TMEM132D: variants seen among roughly 807,000 people sequenced by gnomAD.
TMEM132D encodes transmembrane protein 132D.
TMEM132D carries 21 observed loss-of-function variants against 62.3 expected under a neutral mutation model. That is an observed-to-expected ratio of 0.34 (90% confidence interval 0.24 to 0.49). The LOEUF (loss-of-function observed/expected upper bound fraction) is 0.49. Among genes scored for constraint, TMEM132D ranks in the 20% least tolerant of loss-of-function variants. The pLI, the probability that TMEM132D is intolerant of heterozygous loss-of-function variation, is 0.99. For missense variants in TMEM132D, 1,346 were observed against 1,402.8 expected (o/e 0.96, Z 0.65); for synonymous variants, 621 against 575.6 (o/e 1.08, Z -1.13).
chr12:129,738,045 T>G lies in TMEM132D; in HGVS notation c.80-37347A>C, dbSNP rs1157826620. The stretch of plus-strand genomic sequence containing the variant: ...TCCACAGCAGTTCTGTAGCCACTAA[T>G]GCACCATATTGATTGGCCATTACTG... On this transcript the variant is annotated intron_variant, in intron 1 of 8. Coordinates refer to ENST00000422113, the MANE Select transcript of TMEM132D (RefSeq NM_133448.3). 3.3e-5 allele frequency among the ~76,000 whole-genome samples: 5 copies of G among 152,264 alleles called. No individual in the cohort carries two copies. In the East Asian group the frequency reaches 9.6e-4, roughly 29 times the overall value.
chr12:129,206,224 T>C (rs1878843295), intron 5 of TMEM132D, among the ~76,000 whole-genome samples: 1 of 152,146 alleles, frequency 6.6e-6, no homozygotes, highest in Non-Finnish European at 1.5e-5. Context: ...AGGTCTCATA[T>C]CCCGCACCTG....
At chr12:129,649,816 G>A (rs2137182013) in intron 2 of TMEM132D, among the ~76,000 whole-genome samples, 1 of 151,830 alleles carries the variant, frequency 6.6e-6, no homozygotes, top group African/African-American at 2.4e-5. Flanking sequence ...GTGTGTATGT[G>A]TGTATATGTG....
intron 1 of TMEM132D, among the ~76,000 whole-genome samples, chr12:129,836,924 T>C (rs1345986734): frequency 1.3e-5 from 2 of 152,174 alleles, no homozygotes; most frequent in Admixed American, 6.5e-5. Context: ...AAGGCAATCA[T>C]TAACAAATCT....
chr12:129,192,537 C>T (rs1047444759), intron 5 of TMEM132D, among the ~76,000 whole-genome samples: 2 of 152,112 alleles, frequency 1.3e-5, no homozygotes, highest in African/African-American at 4.8e-5. Flanking sequence ...ACTTTAAGGC[C>T]CTGAAAGACT....
At chr12:129,552,855 T>C (rs1876938659) in intron 2 of TMEM132D, among the ~76,000 whole-genome samples, 1 of 152,212 alleles carries the variant, frequency 6.6e-6, no homozygotes, top group African/African-American at 2.4e-5. Flanking sequence ...ATTTATATTA[T>C]CTATCATCTA....
intron 4 of TMEM132D, among the ~76,000 whole-genome samples, chr12:129,267,862 C>T (rs1296885039): frequency 6.6e-6 from 1 of 152,054 alleles, no homozygotes; most frequent in Non-Finnish European, 1.5e-5. Context: ...CAGAACAGAG[C>T]CCTCAGAAAT....
At chr12:129,775,695 C>T (rs772941236) in intron 1 of TMEM132D, among the ~76,000 whole-genome samples, 29 of 152,302 alleles carry the variant, frequency 1.9e-4, no homozygotes, top group African/African-American at 6.0e-4. Flanking sequence ...CATCCAGTTG[C>T]GATCTGTTAA....
At chr12:129,467,922 G>A (rs1270717638) in intron 3 of TMEM132D, among the ~76,000 whole-genome samples, 1 of 152,186 alleles carries the variant, frequency 6.6e-6, no homozygotes, top group East Asian at 1.9e-4. Flanking sequence ...TCAAGCAGCT[G>A]TGTGTAAAAT....
At chr12:129,396,511 G>A (rs1345895377) in intron 3 of TMEM132D, among the ~76,000 whole-genome samples, 1 of 152,200 alleles carries the variant, frequency 6.6e-6, no homozygotes, top group African/African-American at 2.4e-5. Flanking sequence ...CCTACTGGCT[G>A]GAAGGAAGAC....
intron 4 of TMEM132D, among the ~76,000 whole-genome samples, chr12:129,324,304 G>A (rs1373031356): frequency 6.6e-6 from 1 of 152,078 alleles, no homozygotes; most frequent in African/African-American, 2.4e-5. Flanking sequence ...CTTAAACAGT[G>A]GACCAATACA....
intron 5 of TMEM132D, among the ~76,000 whole-genome samples, chr12:129,094,689 C>A (rs573940839): frequency 6.6e-6 from 1 of 152,232 alleles, no homozygotes; most frequent in East Asian, 1.9e-4. Context: ...TGGGTATATA[C>A]CCAAAGGATT....
At chr12:129,769,055 GA>G (rs1267877740) in intron 1 of TMEM132D, among the ~76,000 whole-genome samples, 3 of 152,302 alleles carry the variant, frequency 2.0e-5, no homozygotes, top group Admixed American at 6.5e-5. Context: ...GGCCATGGTG[GA>G]GAAAATGCTT....
At chr12:129,770,302 C>T (rs572263505) in intron 1 of TMEM132D, among the ~76,000 whole-genome samples, 1 of 152,076 alleles carries the variant, frequency 6.6e-6, no homozygotes, top group African/African-American at 2.4e-5. Flanking sequence ...TGCCACCACA[C>T]CTGGCTAATT....
chr12:129,699,525 G>T (rs957224491), intron 2 of TMEM132D, among the ~76,000 whole-genome samples: 3 of 152,152 alleles, frequency 2.0e-5, no homozygotes, highest in Non-Finnish European at 2.9e-5. Flanking sequence ...CCCAAAACTT[G>T]CTGATAATAC....
At position 129,700,795 on chromosome 12, in the gene TMEM132D, T is replaced by C. The variant is rs560386649; in HGVS notation, c.80-97A>G. On this transcript the variant is annotated intron_variant, in intron 1 of 8. Transcript: ENST00000422113. ...GTGCCCCCTTCATAACAGAGGACCCTGTCTTCGCGCCAATTATGCAATTCC... is the reference window on the plus strand; with the variant it reads ...GTGCCCCCTTCATAACAGAGGACCCCGTCTTCGCGCCAATTATGCAATTCC... 4.4e-6 allele frequency: 6 copies of C among 1,361,250 alleles called. No homozygotes were observed. In the African/African-American group the frequency reaches 7.2e-5, roughly 16 times the overall value. 84.3% of individuals were successfully genotyped at this position (1,361,250 alleles called of 1,614,324 possible). A position where few individuals can be genotyped will look rare whatever the true frequency, so the allele number is the denominator to read the frequency against.
chr12:129,531,068 G>A lies in TMEM132D; in HGVS notation c.1106C>T (p.Ser369Leu). 6.2e-7 allele frequency: 1 copy of A among 1,611,998 alleles called. No individual in the cohort carries two copies. The highest frequency in any genetic ancestry group is 8.5e-7 in the Non-Finnish European group (1 of 1,178,836). Reference protein sequence around the residue: ...VIVCQKKAAGSENSADGASYE... With the variant: ...VIVCQKKAAGLENSADGASYE... The stretch of plus-strand genomic sequence containing the variant: ...GCCAGTTGGGACTCACCTGTTTTCT[G>A]AGCCAGCTGCTTTCTTCTGACAAAC... The change falls in exon 3 of 9, where the codon TCA becomes TTA. Residue 369 changes from serine (S) to leucine (L), a missense_variant. Transcript: ENST00000422113.
chr12:129,248,298 A>G (rs1263534300), intron 4 of TMEM132D, among the ~76,000 whole-genome samples: 1 of 152,182 alleles, frequency 6.6e-6, no homozygotes, highest in Non-Finnish European at 1.5e-5. Context: ...ATCCCACACT[A>G]ATTAACTGAA....
At position 129,073,980 on chromosome 12, in the gene TMEM132D, G is replaced by A. The variant is rs776600445; in HGVS notation, c.3195C>T (p.Ile1065=). 45 of 1,613,726 alleles carry A rather than the reference G, an allele frequency of 2.8e-5. No homozygotes were observed. Among genetic ancestry groups the A allele is most frequent in the South Asian group, 4.4e-5 (4 of 91,020 alleles). ...SDDEYPTRNS[I]VMSSEDDIKW... ...TAATGTCATCCTCGCTACTCATCAC[G>A]ATGGAGTTCCTGGTGGGGTACTCGT... The change falls in exon 9 of 9, where the codon ATC becomes ATT. Residue 1065 remains isoleucine (I), a synonymous_variant. Coordinates refer to ENST00000422113, the MANE Select transcript of TMEM132D (RefSeq NM_133448.3).
chr12:129,893,963 T>C (rs1875020259), intron 1 of TMEM132D, among the ~76,000 whole-genome samples: 1 of 152,188 alleles, frequency 6.6e-6, no homozygotes. Flanking sequence ...CCGAGGCTTG[T>C]CCACAGAAAT....
Sources: gnomAD v4.1 joint callset for allele counts (sites outside exome capture counted in the v4.1 genomes callset) on GRCh38, gnomAD v4.1.1 for gene constraint, MANE v1.5 for transcripts, NCBI Gene and HGNC (gene_info 2026-07-23, HGNC 2026-07-21) for gene names.